Variants in PDZD2 observed in about 807,000 individuals in gnomAD.
PDZD2 encodes the protein PDZ domain-containing protein 2.
In PDZD2, 90 loss-of-function variants were observed where a neutral mutation model predicts 220.7. That is an observed-to-expected ratio of 0.41 (90% CI 0.34 to 0.49). The LOEUF is 0.49. PDZD2 is among the 20% of genes least tolerant of loss of function. The probability of loss-of-function intolerance (pLI) is 0.28; values close to 1 mark genes in which losing one functional copy is unlikely to be tolerated. For synonymous variants in PDZD2, 1,375 were observed against 1,450.5 expected (o/e 0.95, Z 1.18); for missense variants, 3,174 against 3,608.5 (o/e 0.88, Z 3.08).
At chr5:31,969,024 A>C (rs201075823) in intron 2 of PDZD2, among the ~76,000 whole-genome samples, 1 of 152,160 alleles carries the variant, frequency 6.6e-6, no homozygotes, top group East Asian at 1.9e-4. Flanking sequence ...TAATGTGGAG[A>C]GGATGCTTTG....
chr5:31,970,604 C>T (rs948397153), intron 2 of PDZD2, among the ~76,000 whole-genome samples: 3 of 151,662 alleles, frequency 2.0e-5, no homozygotes, highest in Non-Finnish European at 2.9e-5. Context: ...TGCAGTGAGC[C>T]GATATCACGC....
intron 2 of PDZD2, among the ~76,000 whole-genome samples, chr5:31,848,918 A>C (rs186728313): frequency 7.9e-5 from 12 of 151,594 alleles, no homozygotes; most frequent in Middle Eastern, 6.9e-3. Flanking sequence ...GCGTGGTGGC[A>C]GGCGCCTGTA....
chr5:31,886,390 C>T (rs1002161927), intron 2 of PDZD2, among the ~76,000 whole-genome samples: 5 of 152,132 alleles, frequency 3.3e-5, no homozygotes, highest in Non-Finnish European at 5.9e-5. Flanking sequence ...CCTTCCCTGC[C>T]ACTCCTTCTT....
chr5:31,762,622 C>G (rs959848519), intron 1 of PDZD2, among the ~76,000 whole-genome samples: 7 of 152,176 alleles, frequency 4.6e-5, no homozygotes, highest in African/African-American at 1.7e-4. Context: ...ACAGGCCTTG[C>G]CTTCCCTTCA....
intron 1 of PDZD2, among the ~76,000 whole-genome samples, chr5:31,715,881 T>G (rs145082683): frequency 1.2e-4 from 19 of 152,338 alleles, no homozygotes; most frequent in Non-Finnish European, 2.4e-4. Flanking sequence ...TTACATGGCT[T>G]TTGTGAAGTC....
At chr5:31,720,728 G>A (rs1748738652) in intron 1 of PDZD2, among the ~76,000 whole-genome samples, 1 of 152,174 alleles carries the variant, frequency 6.6e-6, no homozygotes, top group Non-Finnish European at 1.5e-5. Flanking sequence ...CTTCTACTTG[G>A]CCTCTCTGTG....
intron 10 of PDZD2, among the ~76,000 whole-genome samples, chr5:32,055,369 A>G (rs1738998819): frequency 6.6e-6 from 1 of 151,122 alleles, no homozygotes; most frequent in South Asian, 2.1e-4. Context: ...GCCCAGCTAA[A>G]TTTTTTTTTA....
intron 3 of PDZD2, among the ~76,000 whole-genome samples, chr5:31,987,216 C>CA (rs1168621817): frequency 6.6e-6 from 1 of 152,040 alleles, no homozygotes; most frequent in Non-Finnish European, 1.5e-5. Flanking sequence ...AGTCACATAG[C>CA]AAAAAAAGAA....
At chr5:31,888,175 T>C (rs1171764720) in intron 2 of PDZD2, among the ~76,000 whole-genome samples, 1 of 152,070 alleles carries the variant, frequency 6.6e-6, no homozygotes. Flanking sequence ...CTTTCCTCTT[T>C]TCTTCTCTTC....
intron 6 of PDZD2, chr5:32,010,733 C>A: frequency 2.0e-6 from 1 of 496,622 alleles, no homozygotes. Context: ...CAGTGGCTTA[C>A]ACCTGTAATG....
chr5:31,655,370 C>T (rs1242556552), intron 1 of PDZD2, among the ~76,000 whole-genome samples: 2 of 152,142 alleles, frequency 1.3e-5, no homozygotes, highest in Non-Finnish European at 2.9e-5. Flanking sequence ...GACGGGGTTT[C>T]ACCATGTTGG....
At chr5:32,025,787 C>T (rs1754610429) in intron 6 of PDZD2, among the ~76,000 whole-genome samples, 1 of 151,266 alleles carries the variant, frequency 6.6e-6, no homozygotes, top group Admixed American at 6.6e-5. Context: ...TTTTAGTAGA[C>T]ACAAGATTTC....
At chr5:31,932,186 TG>T (rs576070040) in intron 2 of PDZD2, among the ~76,000 whole-genome samples, 22 of 152,214 alleles carry the variant, frequency 1.4e-4, no homozygotes, top group South Asian at 4.1e-4. Context: ...TTGCATTTTA[TG>T]GTCTTTTCAT....
At chr5:31,683,062 A>G (rs1746710821) in intron 1 of PDZD2, among the ~76,000 whole-genome samples, 1 of 151,818 alleles carries the variant, frequency 6.6e-6, no homozygotes, top group Non-Finnish European at 1.5e-5. Flanking sequence ...TTTGCTAGTA[A>G]TTTGCATTCG....
intron 13 of PDZD2, 41 bp from the exon 14 acceptor site, chr5:32,060,961 T>A: frequency 1.9e-6 from 3 of 1,610,198 alleles, no homozygotes; most frequent in Non-Finnish European, 2.5e-6. Flanking sequence ...TTTAAGAAGC[T>A]GGCTGCTAAC....
chr5:31,726,071 C>T (rs1749116718), intron 1 of PDZD2, among the ~76,000 whole-genome samples: 2 of 152,156 alleles, frequency 1.3e-5, no homozygotes, highest in African/African-American at 4.8e-5. Context: ...GCCCTACTGC[C>T]TCCCCTTGGC....
chr5:32,058,700 G>A (rs186669429), intron 12 of PDZD2, among the ~76,000 whole-genome samples: 260 of 147,498 alleles, frequency 1.8e-3, no homozygotes, highest in Admixed American at 3.9e-3. Flanking sequence ...AAAATTCACC[G>A]GTGAGCTTAA....
intron 5 of PDZD2, among the ~76,000 whole-genome samples, chr5:32,007,207 C>T (rs571274082): frequency 3.3e-5 from 5 of 151,150 alleles, no homozygotes; most frequent in East Asian, 1.9e-4. Flanking sequence ...CTTGAGCCAC[C>T]GCGCCCGGCC....
intron 6 of PDZD2, among the ~76,000 whole-genome samples, chr5:32,032,590 G>GA (rs1755211486): frequency 6.6e-6 from 1 of 152,130 alleles, no homozygotes; most frequent in Admixed American, 6.5e-5. Context: ...CAGCTTGCTG[G>GA]TTTCCAGAAT....
Sources: gnomAD v4.1 joint callset for allele counts (sites outside exome capture counted in the v4.1 genomes callset) on GRCh38, gnomAD v4.1.1 for gene constraint, MANE v1.5 for transcripts, NCBI Gene and HGNC (gene_info 2026-07-23, HGNC 2026-07-21) for gene names.